Variants in SGIP1 observed in about 807,000 individuals in gnomAD.
SGIP1 encodes the protein SH3GL interacting endocytic adaptor 1.
SGIP1 carries 38 observed loss-of-function variants against 107.5 expected under a neutral mutation model. That is an observed-to-expected ratio of 0.35 (90% CI 0.27 to 0.46). The LOEUF (loss-of-function observed/expected upper bound fraction) is 0.46. Ranked by LOEUF, SGIP1 falls within the 20% of genes least tolerant of loss-of-function variation. The pLI, the probability that SGIP1 is intolerant of heterozygous loss-of-function variation, is 1.00. For missense variants in SGIP1, 929 were observed against 1,019.5 expected (o/e 0.91, Z 1.21); for synonymous variants, 365 against 366.1 (o/e 1.00, Z 0.03).
intron 18 of SGIP1, among the ~76,000 whole-genome samples, chr1:66,717,997 A>G (rs1338766594): frequency 6.6e-6 from 1 of 152,194 alleles, no homozygotes; most frequent in South Asian, 2.1e-4. Flanking sequence ...TAGATATTAG[A>G]TATTAGATAA....
At chr1:66,675,047 A>G (rs768632599) in intron 12 of SGIP1, among the ~76,000 whole-genome samples, 2 of 152,184 alleles carry the variant, frequency 1.3e-5, no homozygotes, top group South Asian at 2.1e-4. Flanking sequence ...CAGTGAGGCT[A>G]TCAGTTTCCT....
rs370529083 is a variant in SGIP1, at chr1:66,647,460, G to C, written c.459+3741G>C. ...AACATGTAGTAGCCAGCTAACATTCGGGGTTTTATTACTAAAAGACAAAAG... is the reference window on the plus strand; with the variant it reads ...AACATGTAGTAGCCAGCTAACATTCCGGGTTTTATTACTAAAAGACAAAAG... On this transcript the variant is annotated intron_variant, in intron 7 of 24. Coordinates refer to ENST00000371037, the MANE Select transcript of SGIP1 (RefSeq NM_032291.4). Among the ~76,000 whole-genome samples, 35 of 152,212 alleles carry C rather than the reference G, an allele frequency of 2.3e-4. No homozygotes were observed. In the South Asian group the frequency reaches 5.4e-3, roughly 23 times the overall value.
chr1:66,557,847 A>AGTG (rs2058401879), intron 1 of SGIP1, among the ~76,000 whole-genome samples: 1 of 152,138 alleles, frequency 6.6e-6, no homozygotes, highest in Non-Finnish European at 1.5e-5. Context: ...AATCTATAGA[A>AGTG]GACACTTACA....
intron 18 of SGIP1, among the ~76,000 whole-genome samples, chr1:66,712,935 C>T (rs143475541): frequency 6.6e-6 from 1 of 152,270 alleles, no homozygotes; most frequent in East Asian, 1.9e-4. Flanking sequence ...CTTCCCAGTA[C>T]TCTGGAGATG....
chr1:66,549,690 C>T (rs1452773753), intron 1 of SGIP1, among the ~76,000 whole-genome samples: 1 of 152,158 alleles, frequency 6.6e-6, no homozygotes, highest in African/African-American at 2.4e-5. Context: ...GAACTTGCTA[C>T]AAGATGATAC....
rs1370301374 is a variant in SGIP1, at chr1:66,744,402, G to A, written c.*1307G>A. ...GCCCTGCCATATGAACATTTAGAAA[G>A]ACAAACTTCTTCGGGAGTCTCAGTT... On this transcript the variant is annotated 3_prime_UTR_variant, in exon 25 of 25. Transcript: ENST00000371037. 6.6e-6 allele frequency: 1 copy of A among 152,088 alleles called. No homozygotes were observed. The highest frequency in any genetic ancestry group is 1.5e-5 in the Non-Finnish European group (1 of 67,926). The allele number at this position is 152,088 out of a possible 1,614,324, so 9.4% of individuals were successfully genotyped here. A position where few individuals can be genotyped will look rare whatever the true frequency, so the allele number is the denominator to read the frequency against.
intron 7 of SGIP1, among the ~76,000 whole-genome samples, chr1:66,644,793 T>A (rs1456702101): frequency 6.6e-6 from 1 of 152,184 alleles, no homozygotes; most frequent in East Asian, 1.9e-4. Flanking sequence ...ACCAAAATGA[T>A]TGCTAAGAGA....
chr1:66,645,967 A>G (rs1315913351), intron 7 of SGIP1, among the ~76,000 whole-genome samples: 1 of 152,032 alleles, frequency 6.6e-6, no homozygotes, highest in African/African-American at 2.4e-5. Flanking sequence ...CAGCCTCCCA[A>G]GTAGCTGGGA....
intron 18 of SGIP1, among the ~76,000 whole-genome samples, chr1:66,705,176 C>A (rs1457748556): frequency 1.3e-5 from 2 of 152,186 alleles, no homozygotes; most frequent in Non-Finnish European, 2.9e-5. Flanking sequence ...ATTTCATGGA[C>A]TTTGTGTTCT....
intron 1 of SGIP1, among the ~76,000 whole-genome samples, chr1:66,599,393 C>A (rs1367747060): frequency 6.6e-6 from 1 of 152,164 alleles, no homozygotes; most frequent in Non-Finnish European, 1.5e-5. Context: ...TTGCCCAAAT[C>A]TACACCACTG....
At chr1:66,702,228 G>T (rs12724078) in intron 18 of SGIP1, among the ~76,000 whole-genome samples, 19,309 of 152,212 alleles carry the variant, frequency 0.13, 1,912 homozygotes, top group East Asian at 0.51. Context: ...AGATTACACA[G>T]CTAGTTGGTG....
chr1:66,541,777 T>C (rs2055007289), intron 1 of SGIP1, among the ~76,000 whole-genome samples: 1 of 152,202 alleles, frequency 6.6e-6, no homozygotes, highest in African/African-American at 2.4e-5. Context: ...TCAAAGATTA[T>C]GTGACATTTG....
chr1:66,570,318 A>G (rs923112628), intron 1 of SGIP1, among the ~76,000 whole-genome samples: 3 of 151,858 alleles, frequency 2.0e-5, no homozygotes, highest in East Asian at 1.9e-4. Flanking sequence ...GTGTAGAGGG[A>G]AAACAAAGTT....
At chr1:66,666,788 T>C (rs2082651420) in intron 8 of SGIP1, 1 of 152,286 alleles carries the variant, frequency 6.6e-6, no homozygotes, top group Non-Finnish European at 1.5e-5. Flanking sequence ...GTTATTTGTG[T>C]ATAGGAATGC....
chr1:66,636,483 G>A (rs1190572459), intron 4 of SGIP1, among the ~76,000 whole-genome samples: 1 of 152,186 alleles, frequency 6.6e-6, no homozygotes, highest in African/African-American at 2.4e-5. Flanking sequence ...CCCAAACTCT[G>A]TAGTACCTAT....
Position 66,643,532 on chromosome 1 carries a change from A to G in SGIP1, c.284-12A>G, listed in dbSNP as rs1488204450. The G allele has an allele frequency of 6.3e-7, 1 of 1,599,778 alleles. No homozygotes were observed. The highest frequency in any genetic ancestry group is 2.3e-5 in the East Asian group (1 of 43,858). On this transcript the variant is annotated splice_polypyrimidine_tract_variant and intron_variant, in intron 6 of 24. Coordinates refer to ENST00000371037, the MANE Select transcript of SGIP1 (RefSeq NM_032291.4). ...TAGAAGAAAGAGTTATGTATCTTTAACTGTGTTCTACCTACCAAAGGAAAG... is the reference window on the plus strand; with the variant it reads ...TAGAAGAAAGAGTTATGTATCTTTAGCTGTGTTCTACCTACCAAAGGAAAG...
intron 7 of SGIP1, among the ~76,000 whole-genome samples, chr1:66,645,799 A>T (rs2077547940): frequency 6.6e-6 from 1 of 152,192 alleles, no homozygotes; most frequent in Non-Finnish European, 1.5e-5. Flanking sequence ...CCTCTCCTTG[A>T]TAACCCGTGT....
At chr1:66,609,567 GT>G (rs1043100767) in intron 1 of SGIP1, among the ~76,000 whole-genome samples, 19 of 152,188 alleles carry the variant, frequency 1.2e-4, no homozygotes, top group African/African-American at 4.6e-4. Flanking sequence ...GGAGTTCTGT[GT>G]TCTGGTGACT....
chr1:66,723,381 C>T (rs918239570), intron 19 of SGIP1, among the ~76,000 whole-genome samples: 2 of 152,116 alleles, frequency 1.3e-5, no homozygotes, highest in African/African-American at 4.8e-5. Context: ...TCGGAGCACC[C>T]ATAACAGGTA....
Sources: allele counts gnomAD v4.1 joint callset (sites outside exome capture counted in the v4.1 genomes callset), GRCh38; gene constraint gnomAD v4.1.1; transcripts MANE v1.5; gene names NCBI Gene and HGNC (gene_info 2026-07-23, HGNC 2026-07-21).